DDAH1: variants seen among roughly 807,000 people sequenced by gnomAD.
DDAH1 encodes dimethylarginine dimethylaminohydrolase 1.
DDAH1 carries 19 observed loss-of-function variants against 28.8 expected under a neutral mutation model. That is an observed-to-expected ratio of 0.66 (90% CI 0.46 to 0.97). The LOEUF (loss-of-function observed/expected upper bound fraction) is 0.97. DDAH1 is among the 50% of genes least tolerant of loss of function. The pLI, the probability that DDAH1 is intolerant of heterozygous loss-of-function variation, is 0.00. For missense variants in DDAH1, 326 were observed against 375.9 expected, an observed-to-expected ratio of 0.87 and a Z score of 1.10; for synonymous variants, 153 against 154.4, an observed-to-expected ratio of 0.99 and a Z score of 0.07.
At position 85,511,504 on chromosome 1, in the gene DDAH1, T is replaced by C. The variant is rs541724305; in HGVS notation, c.-122-15223A>G. Among the ~76,000 whole-genome samples the C allele has an allele frequency of 3.3e-5, 5 of 151,234 alleles. No homozygotes were observed. In the East Asian group the frequency reaches 7.8e-4, roughly 24 times the overall value. ...AGGCAAGAAATAACTAAGATCAGAG[T>C]AGAACTGAAAGGGATAGAGACACAA... On this transcript the variant is annotated intron_variant, in intron 1 of 6. Transcript: ENST00000426972.
intron 1 of DDAH1, among the ~76,000 whole-genome samples, chr1:85,571,413 A>G (rs1659449831): frequency 6.6e-6 from 1 of 152,170 alleles, no homozygotes. Context: ...GTACACACTA[A>G]CAAGACCTCA....
At chr1:85,529,443 A>T (rs561808985) in intron 1 of DDAH1, among the ~76,000 whole-genome samples, 1 of 151,730 alleles carries the variant, frequency 6.6e-6, no homozygotes, top group Non-Finnish European at 1.5e-5. Context: ...GATTCCCTGG[A>T]CAGCAAAACA....
At chr1:85,350,856 G>A (rs143553641) in intron 3 of DDAH1, among the ~76,000 whole-genome samples, 140 of 152,146 alleles carry the variant, frequency 9.2e-4, no homozygotes, top group African/African-American at 3.1e-3. Context: ...CATGGGGAAC[G>A]GAGCATCTTG....
intron 1 of DDAH1, among the ~76,000 whole-genome samples, chr1:85,427,274 A>ACT (rs1653449088): frequency 1.6e-4 from 1 of 6,172 alleles, no homozygotes; most frequent in African/African-American, 3.8e-4. Flanking sequence ...AGTGAGCTAA[A>ACT]AAAAAAAAAA....
chr1:85,558,144 G>A (rs1056546313), intron 1 of DDAH1, among the ~76,000 whole-genome samples: 4 of 151,580 alleles, frequency 2.6e-5, no homozygotes, highest in African/African-American at 7.3e-5. Context: ...AGGCAGGTGG[G>A]TCACTTGAGT....
chr1:85,443,698 GGT>G (rs1654305820), intron 1 of DDAH1, among the ~76,000 whole-genome samples: 1 of 151,978 alleles, frequency 6.6e-6, no homozygotes, highest in African/African-American at 2.4e-5. Context: ...GTTGAGCAGT[GGT>G]TTGTAGTTCT....
At chr1:85,419,525 A>G (rs1489329945) in intron 1 of DDAH1, among the ~76,000 whole-genome samples, 5 of 138,978 alleles carry the variant, frequency 3.6e-5, no homozygotes, top group African/African-American at 1.1e-4. Flanking sequence ...GGACGACAAG[A>G]GTGAAACTCC....
chr1:85,555,182 G>A (rs1658925268), intron 1 of DDAH1, among the ~76,000 whole-genome samples: 1 of 152,194 alleles, frequency 6.6e-6, no homozygotes, highest in South Asian at 2.1e-4. Context: ...AATAGTTTTG[G>A]AATGAACAAA....
At chr1:85,463,893 T>A (rs1461528295) in intron 1 of DDAH1, among the ~76,000 whole-genome samples, 1 of 152,218 alleles carries the variant, frequency 6.6e-6, no homozygotes, top group African/African-American at 2.4e-5. Flanking sequence ...TCACTCTATT[T>A]GTCTCTCCCC....
intron 1 of DDAH1, among the ~76,000 whole-genome samples, chr1:85,562,849 G>A (rs1659178520): frequency 6.6e-6 from 1 of 152,142 alleles, no homozygotes; most frequent in South Asian, 2.1e-4. Context: ...CTTTGGTATG[G>A]CAGCCCTCAG....
At chr1:85,353,890 C>T (rs1287210210) in intron 2 of DDAH1, among the ~76,000 whole-genome samples, 2 of 152,034 alleles carry the variant, frequency 1.3e-5, no homozygotes, top group Admixed American at 6.6e-5. Flanking sequence ...GGCATGCATA[C>T]CATTTCCATT....
intron 1 of DDAH1, among the ~76,000 whole-genome samples, chr1:85,445,831 C>G (rs1446397550): frequency 6.6e-6 from 1 of 152,098 alleles, no homozygotes; most frequent in Non-Finnish European, 1.5e-5. Context: ...AATCACCTGG[C>G]CTCAAGCTAT....
At chr1:85,350,611 A>C in intron 3 of DDAH1, 77 bp from the exon 4 acceptor site, 2 of 1,484,454 alleles carry the variant, frequency 1.3e-6, no homozygotes, top group Non-Finnish European at 1.8e-6. Flanking sequence ...TCCCTGAAAT[A>C]CACCTACTTC....
chr1:85,414,218 C>T (rs1031304473), intron 1 of DDAH1, among the ~76,000 whole-genome samples: 1 of 151,940 alleles, frequency 6.6e-6, no homozygotes, highest in African/African-American at 2.4e-5. Flanking sequence ...ACAAAGAGAG[C>T]ATTGTAGATC....
At chr1:85,407,022 T>G (rs996330282) in intron 1 of DDAH1, among the ~76,000 whole-genome samples, 5 of 152,144 alleles carry the variant, frequency 3.3e-5, no homozygotes, top group Non-Finnish European at 7.4e-5. Flanking sequence ...CTTTAGACCT[T>G]CCTCCTTGAG....
intron 1 of DDAH1, among the ~76,000 whole-genome samples, chr1:85,529,718 C>T (rs1350105086): frequency 6.9e-6 from 1 of 144,152 alleles, no homozygotes; most frequent in Non-Finnish European, 1.5e-5. Flanking sequence ...AGAGGCCAGG[C>T]AGGGTGCTAT....
chr1:85,537,708 T>A lies in DDAH1; in HGVS notation c.-123+40276A>T, dbSNP rs537574503. Among the ~76,000 whole-genome samples the A allele has an allele frequency of 8.6e-5, 13 of 150,902 alleles. No homozygotes were observed. The East Asian group carries it at 2.5e-3, about 29-fold the overall frequency. ...AGTAATCATTAAACTTTAAAGTACA[T>A]TAGAGAATTAGGGAAGCTTCTTAAA... On this transcript the variant is annotated intron_variant, in intron 1 of 6. Coordinates refer to the DDAH1 transcript ENST00000426972.
chr1:85,448,527 G>A (rs1002984742), intron 1 of DDAH1, among the ~76,000 whole-genome samples: 3 of 152,104 alleles, frequency 2.0e-5, no homozygotes, highest in Non-Finnish European at 4.4e-5. Context: ...ATATTCAGAT[G>A]AAAAACATCC....
intron 1 of DDAH1, among the ~76,000 whole-genome samples, chr1:85,396,999 T>G (rs968032505): frequency 1.3e-5 from 2 of 150,744 alleles, no homozygotes; most frequent in Admixed American, 6.6e-5. Context: ...ATCACATCAC[T>G]GCACTCCAGG....
Sources: gnomAD v4.1 joint callset for allele counts (sites outside exome capture counted in the v4.1 genomes callset) on GRCh38, gnomAD v4.1.1 for gene constraint, MANE v1.5 for transcripts, NCBI Gene and HGNC (gene_info 2026-07-23, HGNC 2026-07-21) for gene names.